AFF4: variants seen among roughly 807,000 people sequenced by gnomAD.
The protein encoded by AFF4 is ALF transcription elongation factor 4, also known as AF4/FMR2 family member 4.
AFF4 carries 13 observed loss-of-function variants against 124.8 expected under a neutral mutation model. That is an observed-to-expected ratio of 0.10 (90% CI 0.07 to 0.17). The LOEUF (loss-of-function observed/expected upper bound fraction) is 0.17. Ranked by LOEUF, AFF4 falls within the 10% of genes least tolerant of loss-of-function variation. The pLI is 1.00. For missense variants in AFF4, 1,092 were observed against 1,403.8 expected, an observed-to-expected ratio of 0.78 and a Z score of 3.55; for synonymous variants, 477 against 496.1, an observed-to-expected ratio of 0.96 and a Z score of 0.51.
At chr5:132,907,644 T>A (rs1184016757) in intron 5 of AFF4, among the ~76,000 whole-genome samples, 1 of 152,064 alleles carries the variant, frequency 6.6e-6, no homozygotes, top group Non-Finnish European at 1.5e-5. Flanking sequence ...GTGTGTATGA[T>A]CTAGCCAGGA....
At chr5:132,890,617 AC>A (rs1486456118) in intron 13 of AFF4, among the ~76,000 whole-genome samples, 1 of 152,188 alleles carries the variant, frequency 6.6e-6, no homozygotes, top group Admixed American at 6.6e-5. Context: ...ATATTTCCTA[AC>A]TAAATTACAG....
At chr5:132,931,901 G>A (rs1429230200) in intron 4 of AFF4, among the ~76,000 whole-genome samples, 2 of 152,096 alleles carry the variant, frequency 1.3e-5, no homozygotes, top group African/African-American at 2.4e-5. Context: ...CCAAGATCGC[G>A]CCACTGCACT....
chr5:132,939,987 A>C (rs572507773), intron 1 of AFF4, among the ~76,000 whole-genome samples: 18 of 152,202 alleles, frequency 1.2e-4, no homozygotes, highest in Admixed American at 1.2e-3. Flanking sequence ...CACTGGAGGT[A>C]AGGAGTTCAA....
In AFF4 at chr5:132,896,438, T is replaced by C. The variant is rs753960138; in HGVS notation, c.2192A>G (p.Tyr731Cys). 33 of 1,614,232 alleles carry C rather than the reference T, an allele frequency of 2.0e-5. No individual in the cohort carries two copies. The highest frequency in any genetic ancestry group is 2.5e-5 in the Non-Finnish European group (29 of 1,180,032). ...NLLTRIPGKPYKETEPPKGEK... is the reference protein window; with the variant it reads ...NLLTRIPGKPCKETEPPKGEK... ...CCCCTTGGGCGGCTCTGTTTCTTTG[T>C]AAGGCTTTCCTGGTATTCTAGTCAA... Residue 731 changes from tyrosine (Y) to cysteine (C), a missense_variant, in exon 11 of 21, where the codon TAC (tyrosine) becomes TGC (cysteine). By Grantham distance (194) the Tyr-to-Cys change is radical (BLOSUM62 -2). This residue lies in a region of AFF4 where 293 missense variants were observed against 280.2 expected (regional missense o/e 1.05). Coordinates refer to ENST00000265343, the MANE Select transcript of AFF4 (RefSeq NM_014423.4).
At chr5:132,961,278 T>G (rs1225123932) in intron 1 of AFF4, among the ~76,000 whole-genome samples, 2 of 151,998 alleles carry the variant, frequency 1.3e-5, no homozygotes, top group African/African-American at 4.8e-5. Context: ...GCCTCTGGAG[T>G]AGCTGGGACT....
intron 16 of AFF4, 117 bp downstream of exon 16, chr5:132,887,729 T>C (rs1760150309): frequency 4.6e-6 from 7 of 1,509,618 alleles, no homozygotes; most frequent in Non-Finnish European, 6.3e-6. Flanking sequence ...ACTTCTCCTT[T>C]ATCCAAGGAC....
intron 1 of AFF4, among the ~76,000 whole-genome samples, chr5:132,941,658 A>G (rs1406541947): frequency 6.6e-6 from 1 of 152,044 alleles, no homozygotes; most frequent in Admixed American, 6.6e-5. Flanking sequence ...TTCTCACACA[A>G]TACTCTCACA....
In AFF4 at chr5:132,880,280, G is replaced by C; in HGVS notation, c.*779C>G. ...CCTTCAACATGAAATGCTTCTTCTA[G>C]AAAGTTTGTCCTCCCTCTTTTGTAA... On this transcript the variant is annotated 3_prime_UTR_variant, in exon 21 of 21. Coordinates refer to ENST00000265343, the MANE Select transcript of AFF4 (RefSeq NM_014423.4). 1.3e-5 allele frequency: 5 copies of C among 398,920 alleles called. No individual in the cohort carries two copies. The highest frequency in any genetic ancestry group is 8.8e-6 in the Non-Finnish European group (2 of 226,006). 24.7% of individuals were successfully genotyped at this position (398,920 alleles called of 1,614,324 possible).
chr5:132,955,472 A>G (rs1348258613), intron 1 of AFF4, among the ~76,000 whole-genome samples: 2 of 152,160 alleles, frequency 1.3e-5, no homozygotes, highest in African/African-American at 2.4e-5. Flanking sequence ...AGTGTACTAC[A>G]TAATAGCGTA....
intron 7 of AFF4, among the ~76,000 whole-genome samples, chr5:132,901,283 T>C (rs1316541322): frequency 6.6e-6 from 1 of 152,182 alleles, no homozygotes; most frequent in Non-Finnish European, 1.5e-5. Context: ...ATCAAAGTGA[T>C]AGGTATATAT....
chr5:132,917,711 T>TTC (rs1760945902), intron 5 of AFF4, among the ~76,000 whole-genome samples: 2 of 131,554 alleles, frequency 1.5e-5, no homozygotes, highest in Non-Finnish European at 3.2e-5. Context: ...TTTTCTTTTT[T>TTC]TTTTTTTTTT....
In AFF4 at chr5:132,934,698, G is replaced by C. The variant is rs1454436307; in HGVS notation, c.367C>G (p.Arg123Gly). The C allele has an allele frequency of 6.2e-7, 1 of 1,614,114 alleles. No individual in the cohort carries two copies. Among genetic ancestry groups the C allele is most frequent in the East Asian group, 2.2e-5 (1 of 44,870 alleles). ...TGTCCACTCTGTAAGCCTGAGGACC[G>C]TTTCTGAGACTGAGAAGTGCTGGGT... ...PAPSTSQSQKRSSGLQSGHSS... is the reference protein window; with the variant it reads ...PAPSTSQSQKGSSGLQSGHSS... Residue 123 changes from arginine (R) to glycine (G), a missense_variant, in exon 3 of 21, where the codon CGG becomes GGG. By Grantham distance (125) the Arg-to-Gly change is moderately radical (BLOSUM62 -2). Transcript: ENST00000265343.
At position 132,881,138 on chromosome 5, in the gene AFF4, G is replaced by A; in HGVS notation, c.3413C>T (p.Ala1138Val). 1 of 1,614,162 alleles carries A rather than the reference G, an allele frequency of 6.2e-7. No individual in the cohort carries two copies. The highest frequency in any genetic ancestry group is 8.5e-7 in the Non-Finnish European group (1 of 1,180,000). The change falls in exon 21 of 21, where the codon GCA becomes GTA. Residue 1138 changes from alanine (A) to valine (V), a missense_variant. Transcript: ENST00000265343. ...ACGAACTAGATCTGTCATGATGCTT[G>A]CATTAAAGATGAGAGGGCCCATTAC... is the stretch of plus-strand genomic sequence containing the variant. ...DKVMGPLIFN[A>V]SIMTDLVRYT...
chr5:132,924,430 C>T (rs1234679254), intron 5 of AFF4, among the ~76,000 whole-genome samples: 1 of 152,006 alleles, frequency 6.6e-6, no homozygotes. Flanking sequence ...TAAAATAGAT[C>T]AGAAATTGCA....
At chr5:132,954,192 C>G (rs1561513676) in intron 1 of AFF4, among the ~76,000 whole-genome samples, 1 of 152,094 alleles carries the variant, frequency 6.6e-6, no homozygotes, top group Non-Finnish European at 1.5e-5. Context: ...ACAGGGGTTG[C>G]GGGGAGATGA....
chr5:132,934,342 T>C lies in AFF4; in HGVS notation c.723A>G (p.Ser241=), dbSNP rs1213823394. ...ACATTGAATTGGACTTTGACATCAA[T>C]GAGGGTGGGAAAGATTGAGTTGAGT... ...GQHSTQSFPP[S]LMSKSNSMLQ... is the part of the protein sequence containing the mutation. Residue 241 remains serine, a synonymous_variant, in exon 3 of 21, where the codon TCA becomes TCG. Transcript: ENST00000265343. The C allele has an allele frequency of 2.5e-6, 4 of 1,613,964 alleles. No individual in the cohort carries two copies. Among genetic ancestry groups the C allele is most frequent in the Admixed American group, 3.3e-5 (2 of 59,986 alleles).
intron 11 of AFF4, 74 bp downstream of exon 11, chr5:132,896,249 T>C (rs1760391360): frequency 1.3e-6 from 2 of 1,498,584 alleles, no homozygotes. Flanking sequence ...CTTGTTACTT[T>C]GTGGCTTACT....
At chr5:132,948,216 A>G (rs899566786) in intron 1 of AFF4, among the ~76,000 whole-genome samples, 3 of 151,944 alleles carry the variant, frequency 2.0e-5, no homozygotes, top group Admixed American at 6.6e-5. Context: ...ATGTCTGGCT[A>G]ATCTTTTGTA....
At chr5:132,933,409 A>G (rs999324423) in intron 3 of AFF4, among the ~76,000 whole-genome samples, 6 of 151,988 alleles carry the variant, frequency 3.9e-5, no homozygotes, top group Non-Finnish European at 7.4e-5. Flanking sequence ...AAAAAAAAAA[A>G]AGAGAGAGAT....
Sources: gnomAD v4.1 joint callset for allele counts (sites outside exome capture counted in the v4.1 genomes callset) on GRCh38, gnomAD v4.1.1 for gene constraint, gnomAD v4.1.1 regional missense constraint, MANE v1.5 for transcripts, NCBI Gene and HGNC (gene_info 2026-07-23, HGNC 2026-07-21) for gene names.